Variants in RBM14 observed in about 807,000 individuals in gnomAD.
RBM14 encodes the protein RNA binding motif protein 14, also known as RNA-binding protein 14.
RBM14 carries 5 observed loss-of-function variants against 52.8 expected under a neutral mutation model. The observed-to-expected ratio is 0.09, with a 90% CI of 0.05 to 0.20. The LOEUF is 0.20. Ranked by LOEUF, RBM14 falls within the 10% of genes least tolerant of loss-of-function variation. The pLI is 1.00. For missense variants in RBM14, 780 were observed against 926.6 expected, an observed-to-expected ratio of 0.84 and a Z score of 2.05; for synonymous variants, 411 against 401.8, an observed-to-expected ratio of 1.02 and a Z score of -0.28.
chr11:66,622,189 T>C (rs941195666), intron 1 of RBM14, among the ~76,000 whole-genome samples: 3 of 151,908 alleles, frequency 2.0e-5, no homozygotes, highest in East Asian at 1.9e-4. Context: ...GTGTTGGGAT[T>C]ACATGCGTGA....
chr11:66,616,863 C>G lies in RBM14; in HGVS notation c.143C>G (p.Ala48Gly). The G allele has an allele frequency of 6.2e-7, 1 of 1,612,320 alleles. No homozygotes were observed. Among genetic ancestry groups the G allele is most frequent in the Non-Finnish European group, 8.5e-7 (1 of 1,179,526 alleles). Residue 48 changes from alanine to glycine, a missense_variant, in exon 1 of 3, where the codon GCG (alanine) becomes GGG (glycine). By Grantham distance (60) the Ala-to-Gly change is moderately conservative (BLOSUM62 0). Transcript: ENST00000310137. Reference sequence around the variant, plus strand: ...GTGCACATGCGCGAGAACGCGGGCGCGCTGCGCGCCATCGAAGCCCTGCAC... The same window carrying G: ...GTGCACATGCGCGAGAACGCGGGCGGGCTGCGCGCCATCGAAGCCCTGCAC... ...AFVHMRENAG[A>G]LRAIEALHGH...
rs1049538131 is a variant in RBM14, at chr11:66,626,670, G to A, written c.*2G>A. ...TCTGGCTACCAGCGCCGCATGTAGG[G>A]CCATCCTGGGATGGGGCACCACAGG... On this transcript the variant is annotated 3_prime_UTR_variant, in exon 3 of 3. Transcript: ENST00000310137. The A allele has an allele frequency of 3.1e-6, 5 of 1,599,794 alleles. No homozygotes were observed. The highest frequency in any genetic ancestry group is 1.3e-5 in the African/African-American group (1 of 74,802).
chr11:66,628,260 A>G lies in RBM14; in HGVS notation c.*1592A>G, dbSNP rs1385339550. Among the ~76,000 whole-genome samples the G allele has an allele frequency of 6.6e-6, 1 of 152,158 alleles. No homozygotes were observed. Among genetic ancestry groups the G allele is most frequent in the Admixed American group, 6.5e-5 (1 of 15,268 alleles). On this transcript the variant is annotated 3_prime_UTR_variant, in exon 3 of 3. Transcript: ENST00000310137. ...AATGGAAGACTGGTTGAGTGGGATG[A>G]TAATGGGAGAACTTACTGATGCTCT...
At chr11:66,621,494 C>T (rs1006976010) in intron 1 of RBM14, among the ~76,000 whole-genome samples, 7 of 152,148 alleles carry the variant, frequency 4.6e-5, no homozygotes, top group South Asian at 2.1e-4. Flanking sequence ...TCTCCTGCCT[C>T]GGCTTCTTGA....
intron 1 of RBM14, among the ~76,000 whole-genome samples, chr11:66,622,785 A>AG (rs1859176535): frequency 6.6e-6 from 1 of 152,204 alleles, no homozygotes; most frequent in African/African-American, 2.4e-5. Context: ...TTTGGAGGTT[A>AG]TTAAGAATGT....
In RBM14 at chr11:66,624,265, C is replaced by T. The variant is rs141994538; in HGVS notation, c.389C>T (p.Ala130Val). 1.3e-4 allele frequency: 209 copies of T among 1,607,886 alleles called. 1 individual carries two copies. Among genetic ancestry groups the T allele is most frequent in the Middle Eastern group, 3.3e-4 (2 of 6,044 alleles). ...GAAGCAGATGCCAAAGCCGCAATCG[C>T]GCAGCTCAACGGCAAAGAAGTGAAG... The part of the protein sequence containing the change: ...EKEADAKAAI[A>V]QLNGKEVKGK... The change falls in exon 2 of 3, where the codon GCG becomes GTG. Residue 130 changes from alanine to valine, a missense_variant. Transcript: ENST00000310137. This position sits in a 1 kb window ranked among gnomAD's most constrained non-coding sequence, Gnocchi z 4.7.
chr11:66,625,840 C>T lies in RBM14; in HGVS notation c.1802+162C>T. On this transcript the variant is annotated intron_variant, in intron 2 of 2. Coordinates refer to ENST00000310137, the MANE Select transcript of RBM14 (RefSeq NM_006328.4). This position sits in a 1 kb window ranked among gnomAD's most constrained non-coding sequence, Gnocchi z 4.2. ...GAGGGGAGCAGTGTCTATGAACTTT[C>T]CTGGTCACCAGGGTTCAGGTGGAGC... 3.2e-6 allele frequency: 2 copies of T among 629,980 alleles called. No homozygotes were observed. Among genetic ancestry groups the T allele is most frequent in the South Asian group, 4.3e-5 (2 of 46,624 alleles). 39.0% of individuals were successfully genotyped at this position (629,980 alleles called of 1,614,324 possible). A position where few individuals can be genotyped will look rare whatever the true frequency, so the allele number is the denominator to read the frequency against.
intron 1 of RBM14, 24 bp downstream of exon 1, chr11:66,617,081 GCGGGGGCGCGCTCGGGGC>G (rs1239395011): frequency 6.4e-7 from 1 of 1,553,268 alleles, no homozygotes; most frequent in African/African-American, 1.4e-5. Flanking sequence ...GCGCTCGGGG[GCGGGGGCGCGCTCGGGGC>G]ACTCTGCCTG....
rs76192789 is a variant in RBM14 at position 66,616,672 on chromosome 11, C to A, written c.-49C>A. ...CCGGTCGTTCGGACGTCTTGCCTGT[C>A]GCTGGAGGAGAGGTCCGGGCTCTCC... is the stretch of plus-strand genomic sequence containing the variant. On this transcript the variant is annotated 5_prime_UTR_variant, in exon 1 of 3. Coordinates refer to ENST00000310137, the MANE Select transcript of RBM14 (RefSeq NM_006328.4). The A allele has an allele frequency of 0.021, 31,504 of 1,526,746 alleles. 359 individuals carry two copies. Among genetic ancestry groups the A allele is most frequent in the Non-Finnish European group, 0.024 (27,139 of 1,134,830 alleles). 94.6% of individuals were successfully genotyped at this position (1,526,746 alleles called of 1,614,324 possible).
Position 66,616,655 on chromosome 11 carries a change from T to G in RBM14, c.-66T>G, listed in dbSNP as rs906051258. On this transcript the variant is annotated 5_prime_UTR_variant, in exon 1 of 3. Coordinates refer to ENST00000310137, the MANE Select transcript of RBM14 (RefSeq NM_006328.4). ...ATTCCTGAGGAGGACTGCCGGTCGT[T>G]CGGACGTCTTGCCTGTCGCTGGAGG... is the stretch of plus-strand genomic sequence containing the variant. 10 of 1,501,556 alleles carry G rather than the reference T, an allele frequency of 6.7e-6. No individual in the cohort carries two copies. The highest frequency in any genetic ancestry group is 2.3e-5 in the Admixed American group (1 of 43,164). 93.0% of individuals were successfully genotyped at this position (1,501,556 alleles called of 1,614,324 possible). A position where few individuals can be genotyped will look rare whatever the true frequency, so the allele number is the denominator to read the frequency against.
rs1937882978 is a variant in RBM14, at chr11:66,627,791, G to C, written c.*1123G>C. Among the ~76,000 whole-genome samples the C allele has an allele frequency of 1.3e-5, 2 of 152,200 alleles. No homozygotes were observed. The highest frequency in any genetic ancestry group is 4.1e-4 in the South Asian group (2 of 4,830). The stretch of plus-strand genomic sequence containing the variant: ...GCAGTAGGCTGGAATGAGTGCTGGG[G>C]CTGGGACCCAGAAAGGAACCAGTAG... On this transcript the variant is annotated 3_prime_UTR_variant, in exon 3 of 3. Coordinates refer to ENST00000310137, the MANE Select transcript of RBM14 (RefSeq NM_006328.4).
Position 66,627,649 on chromosome 11 carries a change from C to A in RBM14, c.*981C>A, listed in dbSNP as rs1298329612. Among the ~76,000 whole-genome samples the A allele has an allele frequency of 6.6e-6, 1 of 152,196 alleles. No homozygotes were observed. The highest frequency in any genetic ancestry group is 6.5e-5 in the Admixed American group (1 of 15,282). ...CTCTGCCTGTGCTTGACCATTTTCA[C>A]TGACTTTTCTCCAGTTCAGGAATAA... On this transcript the variant is annotated 3_prime_UTR_variant, in exon 3 of 3. Transcript: ENST00000310137.
In RBM14 at chr11:66,624,137, G is replaced by A; in HGVS notation, c.338-77G>A. 1 of 1,541,550 alleles carries A rather than the reference G, an allele frequency of 6.5e-7. No individual in the cohort carries two copies. The highest frequency in any genetic ancestry group is 8.7e-7 in the Non-Finnish European group (1 of 1,143,508). ...TAGCTGGCAACAGCTGGGTGCTGTT[G>A]TGTGTCCAATTTGGGACCCATCAGG... On this transcript the variant is annotated intron_variant, in intron 1 of 2. Coordinates refer to ENST00000310137, the MANE Select transcript of RBM14 (RefSeq NM_006328.4). This position sits in a 1 kb window ranked among gnomAD's most constrained non-coding sequence, Gnocchi z 4.7.
At chr11:66,622,410 T>C in intron 1 of RBM14, among the ~76,000 whole-genome samples, 1 of 152,020 alleles carries the variant, frequency 6.6e-6, no homozygotes, top group Non-Finnish European at 1.5e-5. Context: ...ATTTTTGTAT[T>C]TTTAGTAGAG....
In RBM14 at chr11:66,624,054, T is replaced by A. The variant is rs1216681499; in HGVS notation, c.338-160T>A. ...CTTGGGACAGTCAGAAGCTTTGTTA[T>A]ATGGGAGCTACATTTTATGACATAC... On this transcript the variant is annotated intron_variant, in intron 1 of 2. Coordinates refer to ENST00000310137, the MANE Select transcript of RBM14 (RefSeq NM_006328.4). The surrounding 1 kb of genome is among the most constrained non-coding windows in gnomAD (Gnocchi z 4.7). 2 of 1,215,092 alleles carry A rather than the reference T, an allele frequency of 1.6e-6. No homozygotes were observed. Among genetic ancestry groups the A allele is most frequent in the Non-Finnish European group, 2.4e-6 (2 of 841,228 alleles). The allele number at this position is 1,215,092 out of a possible 1,614,324, so 75.3% of individuals were successfully genotyped here. A position where few individuals can be genotyped will look rare whatever the true frequency, so the allele number is the denominator to read the frequency against.
rs532253897 is a variant in RBM14, at chr11:66,626,008, A to G, written c.1802+330A>G. On this transcript the variant is annotated intron_variant, in intron 2 of 2. Coordinates refer to ENST00000310137, the MANE Select transcript of RBM14 (RefSeq NM_006328.4). Reference sequence around the variant, plus strand: ...CACTGTCTCAAGGATCCTTAAGCCTATTACGTGGTTGTCCTGGCTTTGGCA... The same window carrying G: ...CACTGTCTCAAGGATCCTTAAGCCTGTTACGTGGTTGTCCTGGCTTTGGCA... Among the ~76,000 whole-genome samples, 10 of 152,142 alleles carry G rather than the reference A, an allele frequency of 6.6e-5. 1 individual carries two copies. The highest frequency in any genetic ancestry group is 2.0e-4 in the Admixed American group (3 of 15,278).
chr11:66,616,649 G>GGTCGTTCGGACGTCTTGCCT lies in RBM14; in HGVS notation c.-67_-48dup. 1.3e-6 allele frequency: 2 copies of GGTCGTTCGGACGTCTTGCCT among 1,491,176 alleles called. No homozygotes were observed. The highest frequency in any genetic ancestry group is 1.8e-6 in the Non-Finnish European group (2 of 1,117,558). 92.4% of individuals were successfully genotyped at this position (1,491,176 alleles called of 1,614,324 possible). ...CCAGCCATTCCTGAGGAGGACTGCCGGTCGTTCGGACGTCTTGCCTGTCGC... is the reference window on the plus strand; with the variant it reads ...CCAGCCATTCCTGAGGAGGACTGCCGGTCGTTCGGACGTCTTGCCTGTCGTTCGGACGTCTTGCCTGTCGC... On this transcript the variant is annotated 5_prime_UTR_variant, in exon 1 of 3. Transcript: ENST00000310137.
In RBM14 at chr11:66,628,732, G is replaced by C. The variant is rs1486529907; in HGVS notation, c.*2064G>C. On this transcript the variant is annotated 3_prime_UTR_variant, in exon 3 of 3. Coordinates refer to ENST00000310137, the MANE Select transcript of RBM14 (RefSeq NM_006328.4). ...TAAGCCTACCTTTGGTTATTACCCT[G>C]GAAAATTGAGGGTTGATGGTAGGGT... is the stretch of plus-strand genomic sequence containing the variant. Among the ~76,000 whole-genome samples the C allele has an allele frequency of 6.6e-6, 1 of 152,164 alleles. No homozygotes were observed. Among genetic ancestry groups the C allele is most frequent in the African/African-American group, 2.4e-5 (1 of 41,450 alleles).
At position 66,624,599 on chromosome 11, in the gene RBM14, G is replaced by A. The variant is rs149760892; in HGVS notation, c.723G>A (p.Pro241=). ...TAQPATYRAQ[P]SVSLGAAYRA... ...AGCCAGCTACCTACCGGGCCCAGCCGTCCGTGTCACTGGGAGCTGCCTACA... is the reference window on the plus strand; with the variant it reads ...AGCCAGCTACCTACCGGGCCCAGCCATCCGTGTCACTGGGAGCTGCCTACA... Residue 241 remains proline, a synonymous_variant, in exon 2 of 3, where the codon CCG becomes CCA. Transcript: ENST00000310137. The surrounding 1 kb of genome is among the most constrained non-coding windows in gnomAD (Gnocchi z 4.7). 35 of 1,612,206 alleles carry A rather than the reference G, an allele frequency of 2.2e-5. No homozygotes were observed. The highest frequency in any genetic ancestry group is 2.1e-4 in the African/African-American group (16 of 75,012).
Sources: allele counts gnomAD v4.1 joint callset (sites outside exome capture counted in the v4.1 genomes callset), GRCh38; gene constraint gnomAD v4.1.1; non-coding constraint Gnocchi (gnomAD v3.1); transcripts MANE v1.5; gene names NCBI Gene and HGNC (gene_info 2026-07-23, HGNC 2026-07-21).